The following ADAMTS3 variants were observed in gnomAD, a reference collection of about 807,000 sequenced individuals.
The protein encoded by ADAMTS3 is A disintegrin and metalloproteinase with thrombospondin motifs 3.
In ADAMTS3, 73 loss-of-function variants were observed where a neutral mutation model predicts 129.0. The ratio of observed to expected loss-of-function variants is 0.57; its 90% confidence interval spans 0.47 to 0.69. The LOEUF (loss-of-function observed/expected upper bound fraction) is 0.69. Among genes scored for constraint, ADAMTS3 ranks in the 30% least tolerant of loss-of-function variants. The pLI is 0.00. For missense variants in ADAMTS3, 1,457 were observed against 1,514.5 expected, an observed-to-expected ratio of 0.96 and a Z score of 0.63; for synonymous variants, 477 against 510.8, an observed-to-expected ratio of 0.93 and a Z score of 0.89.
At chr4:72,452,929 A>G (rs1013773439) in intron 3 of ADAMTS3, among the ~76,000 whole-genome samples, 15 of 151,790 alleles carry the variant, frequency 9.9e-5, no homozygotes, top group Admixed American at 3.9e-4. Context: ...ACTAAACAAG[A>G]AGAATGTTTT....
intron 4 of ADAMTS3, among the ~76,000 whole-genome samples, chr4:72,405,829 G>A (rs1722036382): frequency 6.6e-6 from 1 of 152,044 alleles, no homozygotes; most frequent in Admixed American, 6.6e-5. Context: ...TAAAATACAG[G>A]ATTTTTACAT....
At chr4:72,565,719 C>T (rs1722005926) in intron 2 of ADAMTS3, among the ~76,000 whole-genome samples, 1 of 152,218 alleles carries the variant, frequency 6.6e-6, no homozygotes, top group East Asian at 1.9e-4. Flanking sequence ...TTCATACTGA[C>T]TTATCTCTCC....
chr4:72,368,555 G>A (rs1183558443), intron 4 of ADAMTS3, among the ~76,000 whole-genome samples: 1 of 152,146 alleles, frequency 6.6e-6, no homozygotes, highest in African/African-American at 2.4e-5. Flanking sequence ...GGGATGATCT[G>A]AAATAAATAT....
intron 14 of ADAMTS3, 132 bp from the exon 15 acceptor site, chr4:72,309,652 C>CA: frequency 1.1e-6 from 1 of 938,162 alleles, no homozygotes. Flanking sequence ...CCACTGTAGT[C>CA]ATAATTTTTA....
intron 3 of ADAMTS3, among the ~76,000 whole-genome samples, chr4:72,429,543 A>C (rs1185641328): frequency 6.6e-6 from 1 of 152,090 alleles, no homozygotes; most frequent in Non-Finnish European, 1.5e-5. Flanking sequence ...AAGCATTATT[A>C]AACATACCAA....
intron 4 of ADAMTS3, among the ~76,000 whole-genome samples, chr4:72,399,183 A>C (rs1721809558): frequency 6.6e-6 from 1 of 152,172 alleles, no homozygotes; most frequent in South Asian, 2.1e-4. Context: ...GAATCTGAGC[A>C]CTTTGTGAGG....
At chr4:72,428,275 T>C (rs1175386808) in intron 3 of ADAMTS3, among the ~76,000 whole-genome samples, 1 of 152,098 alleles carries the variant, frequency 6.6e-6, no homozygotes, top group Non-Finnish European at 1.5e-5. Context: ...CCATGGCATA[T>C]AAAATTTTAT....
chr4:72,340,316 AGTGT>A lies in ADAMTS3; in HGVS notation c.662-627_662-624del, dbSNP rs35463239. On this transcript the variant is annotated intron_variant, in intron 4 of 21. Coordinates refer to ENST00000286657, the MANE Select transcript of ADAMTS3 (RefSeq NM_014243.3). The stretch of plus-strand genomic sequence containing the variant: ...ATACAGGGTATATACTATATACATA[AGTGT>A]GTGTGTGTGTGTGTGTGTATGTGTA... Among the ~76,000 whole-genome samples, 51 of 147,426 alleles carry A rather than the reference AGTGT, an allele frequency of 3.5e-4. 1 individual carries two copies. Among genetic ancestry groups the A allele is most frequent in the South Asian group, 2.6e-3 (12 of 4,636 alleles).
intron 4 of ADAMTS3, among the ~76,000 whole-genome samples, chr4:72,377,869 C>T (rs533224518): frequency 6.6e-6 from 1 of 152,214 alleles, no homozygotes; most frequent in Admixed American, 6.5e-5. Flanking sequence ...GATTCACTAA[C>T]CAAGAACTAA....
intron 3 of ADAMTS3, among the ~76,000 whole-genome samples, chr4:72,421,077 T>C (rs556572396): frequency 6.6e-6 from 1 of 152,332 alleles, no homozygotes; most frequent in African/African-American, 2.4e-5. Flanking sequence ...AATGTCCATA[T>C]AACGTTAGGA....
chr4:72,400,267 T>C (rs1721873052), intron 4 of ADAMTS3, among the ~76,000 whole-genome samples: 1 of 148,090 alleles, frequency 6.8e-6, no homozygotes, highest in Non-Finnish European at 1.5e-5. Flanking sequence ...TACGTGTGTA[T>C]ATATGCACAC....
intron 4 of ADAMTS3, among the ~76,000 whole-genome samples, chr4:72,369,602 TG>T (rs1720953343): frequency 6.6e-6 from 1 of 151,670 alleles, no homozygotes; most frequent in Non-Finnish European, 1.5e-5. Context: ...TCCCAGCTAC[TG>T]GGGAGGCTGA....
chr4:72,441,756 T>C (rs1030999015), intron 3 of ADAMTS3: 5 of 151,630 alleles, frequency 3.3e-5, no homozygotes, highest in Admixed American at 2.6e-4. Context: ...CACATCAATG[T>C]TGTTGCTACC....
intron 10 of ADAMTS3, among the ~76,000 whole-genome samples, chr4:72,316,697 A>C (rs116729942): frequency 0.045 from 4,165 of 93,398 alleles, 200 homozygotes; most frequent in African/African-American, 0.1. Context: ...TCTCAAAATA[A>C]TAATAATAAT....
chr4:72,316,784 T>C (rs1435419671), intron 10 of ADAMTS3, among the ~76,000 whole-genome samples: 2 of 151,986 alleles, frequency 1.3e-5, no homozygotes, highest in Admixed American at 1.3e-4. Context: ...TAAGATAAAG[T>C]ATTCTAGGTA....
At chr4:72,332,241 A>G (rs910178162) in intron 5 of ADAMTS3, among the ~76,000 whole-genome samples, 2 of 152,240 alleles carry the variant, frequency 1.3e-5, no homozygotes, top group Non-Finnish European at 2.9e-5. Flanking sequence ...TTAAAAAATC[A>G]AAAGCAGTGT....
chr4:72,378,861 A>T (rs548802560), intron 4 of ADAMTS3, among the ~76,000 whole-genome samples: 398 of 152,230 alleles, frequency 2.6e-3, no homozygotes, highest in Middle Eastern at 3.4e-3. Context: ...AGCCATGCTG[A>T]GAGGGGTTTT....
At chr4:72,390,714 A>G (rs1035130024) in intron 4 of ADAMTS3, among the ~76,000 whole-genome samples, 1 of 152,152 alleles carries the variant, frequency 6.6e-6, no homozygotes, top group African/African-American at 2.4e-5. Flanking sequence ...CTCCCATACC[A>G]GTATTCCAAA....
At chr4:72,297,946 GAAGA>G (rs1171077118) in intron 18 of ADAMTS3, among the ~76,000 whole-genome samples, 2 of 152,156 alleles carry the variant, frequency 1.3e-5, no homozygotes, top group Non-Finnish European at 2.9e-5. Flanking sequence ...AAGTAGGTAA[GAAGA>G]AAGATGAGGA....
Sources: gnomAD v4.1 joint callset for allele counts (sites outside exome capture counted in the v4.1 genomes callset) on GRCh38, gnomAD v4.1.1 for gene constraint, MANE v1.5 for transcripts, NCBI Gene and HGNC (gene_info 2026-07-23, HGNC 2026-07-21) for gene names.